EDIL3: variants seen among roughly 807,000 people sequenced by gnomAD.
EDIL3 encodes the protein EGF like and discoidin domains 3, also known as EGF-like repeat and discoidin I-like domain-containing protein 3.
Under a neutral mutation model 67.4 loss-of-function variants are expected in EDIL3, and 37 were observed. The observed-to-expected ratio is 0.55, with a 90% CI of 0.42 to 0.72. The LOEUF is 0.72. Among genes scored for constraint, EDIL3 ranks in the 30% least tolerant of loss-of-function variants. The pLI is 0.00. For synonymous variants in EDIL3, 195 were observed against 196.3 expected, an observed-to-expected ratio of 0.99 and a Z score of 0.05; for missense variants, 527 against 586.3, an observed-to-expected ratio of 0.90 and a Z score of 1.04.
chr5:84,140,207 C>A (rs1036409270), intron 4 of EDIL3, among the ~76,000 whole-genome samples: 2 of 152,080 alleles, frequency 1.3e-5, no homozygotes, highest in Admixed American at 6.5e-5. Flanking sequence ...ATAGGTACAA[C>A]ATATATTTTA....
chr5:84,118,297 T>G (rs1234388142), intron 5 of EDIL3, among the ~76,000 whole-genome samples: 1 of 152,134 alleles, frequency 6.6e-6, no homozygotes, highest in African/African-American at 2.4e-5. Flanking sequence ...TTTGAAAAGT[T>G]ATCAGCTCAG....
chr5:84,328,457 C>T (rs930857397), intron 1 of EDIL3, among the ~76,000 whole-genome samples: 10 of 152,044 alleles, frequency 6.6e-5, no homozygotes, highest in African/African-American at 2.2e-4. Context: ...TTTGCATGTC[C>T]ACACTCAGTG....
At chr5:84,206,337 G>T (rs1580376511) in intron 3 of EDIL3, among the ~76,000 whole-genome samples, 1 of 152,078 alleles carries the variant, frequency 6.6e-6, no homozygotes, top group East Asian at 1.9e-4. Flanking sequence ...TTCCAAGTAT[G>T]TGGTCAATTT....
At chr5:84,281,599 A>AT (rs1432862915) in intron 1 of EDIL3, among the ~76,000 whole-genome samples, 1 of 151,972 alleles carries the variant, frequency 6.6e-6, no homozygotes, top group East Asian at 1.9e-4. Context: ...GCAAGTACAC[A>AT]TTTTTTCTTT....
chr5:84,126,561 T>C (rs1270888023), intron 5 of EDIL3, among the ~76,000 whole-genome samples: 2 of 152,098 alleles, frequency 1.3e-5, no homozygotes, highest in Non-Finnish European at 2.9e-5. Context: ...GTCAATGTTA[T>C]TTTACATTTG....
intron 1 of EDIL3, among the ~76,000 whole-genome samples, chr5:84,282,070 A>C (rs1280525660): frequency 2.0e-5 from 3 of 150,676 alleles, no homozygotes; most frequent in Non-Finnish European, 4.4e-5. Context: ...ATGGGGTTTC[A>C]CCATGTTGGC....
intron 3 of EDIL3, among the ~76,000 whole-genome samples, chr5:84,220,392 G>C (rs764446143): frequency 5.3e-5 from 8 of 152,112 alleles, no homozygotes; most frequent in African/African-American, 1.9e-4. Flanking sequence ...AAGTTACAAC[G>C]CATGACAATG....
chr5:84,185,831 T>C (rs1743417403), intron 3 of EDIL3, among the ~76,000 whole-genome samples: 2 of 152,160 alleles, frequency 1.3e-5, no homozygotes, highest in African/African-American at 4.8e-5. Flanking sequence ...TACATGTATC[T>C]TAATTCTTTG....
chr5:84,187,922 T>C (rs550846671), intron 3 of EDIL3, among the ~76,000 whole-genome samples: 26 of 152,024 alleles, frequency 1.7e-4, no homozygotes, highest in Non-Finnish European at 3.1e-4. Flanking sequence ...AAATCGTCTA[T>C]GAGTATTTTG....
intron 9 of EDIL3, among the ~76,000 whole-genome samples, chr5:84,048,772 A>T (rs1746277372): frequency 6.6e-6 from 1 of 152,054 alleles, no homozygotes; most frequent in African/African-American, 2.4e-5. Context: ...CATTATAACA[A>T]AATTTGTAGT....
At chr5:84,222,570 A>C (rs1215302916) in intron 3 of EDIL3, among the ~76,000 whole-genome samples, 1 of 151,906 alleles carries the variant, frequency 6.6e-6, no homozygotes, top group Non-Finnish European at 1.5e-5. Flanking sequence ...ACAGCTTTAC[A>C]TTTAAGTAAA....
intron 2 of EDIL3, among the ~76,000 whole-genome samples, chr5:84,232,714 T>G (rs140657142): frequency 9.2e-5 from 14 of 152,286 alleles, no homozygotes; most frequent in African/African-American, 3.4e-4. Context: ...TAGATGTCAT[T>G]AACCAATATT....
intron 10 of EDIL3, among the ~76,000 whole-genome samples, chr5:83,955,350 A>G (rs1201787385): frequency 6.6e-6 from 1 of 151,724 alleles, no homozygotes; most frequent in Non-Finnish European, 1.5e-5. Context: ...TCATTTATGA[A>G]TATTTTACTT....
rs563970146 is a variant in EDIL3, at chr5:83,993,077, A to G, written c.1138-29717T>C. 2.6e-5 allele frequency among the ~76,000 whole-genome samples: 4 copies of G among 152,338 alleles called. No homozygotes were observed. The East Asian group carries it at 7.7e-4, about 29-fold the overall frequency. On this transcript the variant is annotated intron_variant, in intron 9 of 10. Coordinates refer to ENST00000296591, the MANE Select transcript of EDIL3 (RefSeq NM_005711.5). ...CTTAAAATAGTCAATACGAAACATT[A>G]GAATAAATAATTCCAGCAAGGAAGG...
chr5:84,101,623 G>A (rs1747367050), intron 6 of EDIL3, among the ~76,000 whole-genome samples: 1 of 152,108 alleles, frequency 6.6e-6, no homozygotes, highest in East Asian at 1.9e-4. Flanking sequence ...ACTGAGTCAG[G>A]ATGAAATTCA....
chr5:84,153,967 G>A (rs1396716919), intron 4 of EDIL3, among the ~76,000 whole-genome samples: 1 of 152,132 alleles, frequency 6.6e-6, no homozygotes, highest in Non-Finnish European at 1.5e-5. Context: ...GCTACACTAA[G>A]CTCTACTTTG....
intron 9 of EDIL3, among the ~76,000 whole-genome samples, chr5:84,033,285 G>A (rs1003792129): frequency 3.9e-5 from 6 of 152,132 alleles, no homozygotes; most frequent in African/African-American, 1.2e-4. Context: ...CTTTACACAT[G>A]AGAAATCAAA....
chr5:84,298,102 C>T (rs770528802), intron 1 of EDIL3, among the ~76,000 whole-genome samples: 3 of 152,116 alleles, frequency 2.0e-5, no homozygotes, highest in African/African-American at 7.2e-5. Flanking sequence ...TTTTCCAACA[C>T]CATTTGAACC....
intron 1 of EDIL3, among the ~76,000 whole-genome samples, chr5:84,381,313 T>G (rs977335445): frequency 1.3e-5 from 2 of 152,180 alleles, no homozygotes; most frequent in Non-Finnish European, 2.9e-5. Context: ...ATGAGAATAC[T>G]TCATTTTCAC....
Sources: allele counts gnomAD v4.1 joint callset (sites outside exome capture counted in the v4.1 genomes callset), GRCh38; gene constraint gnomAD v4.1.1; transcripts MANE v1.5; gene names NCBI Gene and HGNC (gene_info 2026-07-23, HGNC 2026-07-21).